ADGRG2: variants seen among roughly 807,000 people sequenced by gnomAD.
The protein encoded by ADGRG2 is adhesion G protein-coupled receptor G2.
Under a neutral mutation model 74.1 loss-of-function variants are expected in ADGRG2, and 26 were observed. That is an observed-to-expected ratio of 0.35 (90% confidence interval 0.26 to 0.49). ADGRG2 has a LOEUF of 0.49. Among genes scored for constraint, ADGRG2 ranks in the 20% least tolerant of loss-of-function variants. The pLI is 0.99. For synonymous variants in ADGRG2, 296 were observed against 295.2 expected (o/e 1.00, Z -0.03); for missense variants, 619 against 763.1 (o/e 0.81, Z 2.22).
intron 3 of ADGRG2, among the ~76,000 whole-genome samples, chrX:19,060,131 C>T (rs1055470806): frequency 9.0e-6 from 1 of 111,162 alleles, no homozygotes; most frequent in Non-Finnish European, 1.9e-5. Flanking sequence ...GACTCTGTCT[C>T]AGAAAAATAA....
At chrX:19,016,503 A>C (rs2060471910) in intron 15 of ADGRG2, among the ~76,000 whole-genome samples, 2 of 110,749 alleles carry the variant, frequency 1.8e-5, no homozygotes, top group Non-Finnish European at 3.8e-5. Flanking sequence ...GGAGGCAGGC[A>C]TCGATGTATT....
chrX:19,011,171 G>T (rs1172451076), intron 16 of ADGRG2, among the ~76,000 whole-genome samples: 1 of 112,043 alleles, frequency 8.9e-6, no homozygotes, highest in East Asian at 2.8e-4. Context: ...CTCTTCATAT[G>T]ATATTCTAGA....
chrX:19,062,797 C>T (rs773871803), intron 3 of ADGRG2, among the ~76,000 whole-genome samples: 2 of 110,489 alleles, frequency 1.8e-5, no homozygotes, highest in Non-Finnish European at 3.8e-5. Flanking sequence ...GCTGGAAATG[C>T]CTGCAGCACA....
At chrX:19,082,928 G>T (rs2061876726) in intron 1 of ADGRG2, among the ~76,000 whole-genome samples, 182 bp from the exon 2 acceptor site, 1 of 111,577 alleles carries the variant, frequency 9.0e-6, no homozygotes, top group South Asian at 3.8e-4. Flanking sequence ...AAACCCTGCT[G>T]CTGAGGAACT....
At chrX:19,083,468 G>C (rs2061888050) in intron 1 of ADGRG2, among the ~76,000 whole-genome samples, 1 of 111,073 alleles carries the variant, frequency 9.0e-6, no homozygotes, top group Non-Finnish European at 1.9e-5. Flanking sequence ...TTCTTCATGT[G>C]TTTGTGACTT....
chrX:19,026,364 T>G (rs2060700813), intron 11 of ADGRG2, among the ~76,000 whole-genome samples: 1 of 112,651 alleles, frequency 8.9e-6, no homozygotes, highest in African/African-American at 3.2e-5. Flanking sequence ...TTGTCTCTGA[T>G]GCTGCTTCAC....
At chrX:19,061,069 G>A (rs1015025997) in intron 3 of ADGRG2, among the ~76,000 whole-genome samples, 1 of 111,701 alleles carries the variant, frequency 9.0e-6, no homozygotes, top group East Asian at 2.8e-4. Context: ...ATCTTAACGG[G>A]GAATCAGTTG....
chrX:19,019,730 C>G, intron 14 of ADGRG2, 65 bp from the exon 15 acceptor site: 1 of 586,210 alleles, frequency 1.7e-6, no homozygotes, highest in Non-Finnish European at 3.0e-6. Flanking sequence ...AAGGTGGCAG[C>G]TCAGAACCAT....
chrX:19,027,572 T>C (rs73445615), intron 10 of ADGRG2, among the ~76,000 whole-genome samples: 5,342 of 112,565 alleles, frequency 0.047, 314 homozygotes, highest in African/African-American at 0.16. Context: ...CTGTCTTTCT[T>C]TATTTCACGA....
rs190358544 is a variant in ADGRG2, at chrX:19,023,537, C to T, written c.511-84G>A. 4.8e-4 allele frequency: 269 copies of T among 558,172 alleles called. No homozygotes were observed. The African/African-American group carries it at 5.4e-3, about 11-fold the overall frequency. 46.0% of individuals were successfully genotyped at this position (558,172 alleles called of 1,213,427 possible). A position where few individuals can be genotyped will look rare whatever the true frequency, so the allele number is the denominator to read the frequency against. ...TCAGAAAAGAAGACCTAAGGCTAAT[C>T]ACAGAATTTTAGAATCACGAGAGCC... On this transcript the variant is annotated intron_variant, in intron 12 of 28. Transcript: ENST00000379869.
rs2061027911 is a variant in ADGRG2, at chrX:19,040,172, C to G, written c.154+17G>C. On this transcript the variant is annotated intron_variant, in intron 4 of 28. Coordinates refer to ENST00000379869, the MANE Select transcript of ADGRG2 (RefSeq NM_001079858.3). The stretch of plus-strand genomic sequence containing the variant: ...TATTTTCCTGAAATTCCCCAGAGTT[C>G]TAAAAAAACAACTTACCAGGTGGTG... 2 of 1,090,472 alleles carry G rather than the reference C, an allele frequency of 1.8e-6. No individual in the cohort carries two copies. Among genetic ancestry groups the G allele is most frequent in the African/African-American group, 1.8e-5 (1 of 54,788 alleles). The allele number at this position is 1,090,472 out of a possible 1,213,427, so 89.9% of individuals were successfully genotyped here.
At chrX:19,080,281 C>A (rs906963818) in intron 2 of ADGRG2, among the ~76,000 whole-genome samples, 2 of 111,254 alleles carry the variant, frequency 1.8e-5, no homozygotes, top group Admixed American at 1.9e-4. Context: ...TGCGATCTAC[C>A]ATACTCTTGA....
intron 1 of ADGRG2, among the ~76,000 whole-genome samples, chrX:19,106,791 G>C (rs753473530): frequency 2.9e-4 from 32 of 109,334 alleles, no homozygotes; most frequent in Non-Finnish European, 6.1e-4. Context: ...GTGGTGGCGG[G>C]CACCTACAAT....
intron 28 of ADGRG2, among the ~76,000 whole-genome samples, chrX:18,993,687 G>GAAAAAAAAAAAAAA (rs139677355): frequency 3.1e-5 from 2 of 64,100 alleles, no homozygotes; most frequent in Non-Finnish European, 3.1e-5. Context: ...TAAAAAAAAA[G>GAAAAAAAAAAAAAA]AAAAAAAAAA....
At chrX:19,119,289 T>G (rs771022472) in intron 1 of ADGRG2, among the ~76,000 whole-genome samples, 1 of 112,510 alleles carries the variant, frequency 8.9e-6, no homozygotes, top group African/African-American at 3.2e-5. Flanking sequence ...ATTGCGGGAA[T>G]TTATTTTATG....
intron 4 of ADGRG2, 78 bp from the exon 5 acceptor site, chrX:19,037,714 T>C (rs758807908): frequency 5.2e-5 from 38 of 728,674 alleles, no homozygotes; most frequent in South Asian, 8.5e-5. Context: ...ACTTTTGAGA[T>C]ATAATTACGA....
At chrX:19,040,910 T>C (rs1324397693) in intron 3 of ADGRG2, among the ~76,000 whole-genome samples, 1 of 111,422 alleles carries the variant, frequency 9.0e-6, no homozygotes, top group African/African-American at 3.3e-5. Context: ...AAAAATGACA[T>C]TAACATGTTA....
At chrX:19,110,573 C>T (rs2062392608) in intron 1 of ADGRG2, among the ~76,000 whole-genome samples, 1 of 109,177 alleles carries the variant, frequency 9.2e-6, no homozygotes, top group South Asian at 4.1e-4. Context: ...ATAATCCCAG[C>T]TACTCAGGAG....
intron 1 of ADGRG2, among the ~76,000 whole-genome samples, chrX:19,111,897 A>G (rs2062419176): frequency 9.0e-6 from 1 of 111,161 alleles, no homozygotes; most frequent in Admixed American, 9.7e-5. Context: ...TGAAAATATG[A>G]ATTATTTGAT....
Sources: allele counts gnomAD v4.1 joint callset (sites outside exome capture counted in the v4.1 genomes callset), GRCh38; gene constraint gnomAD v4.1.1; transcripts MANE v1.5; gene names NCBI Gene and HGNC (gene_info 2026-07-23, HGNC 2026-07-21).